The following MYH10 variants were observed in gnomAD, a reference collection of about 807,000 sequenced individuals.
The protein encoded by MYH10 is myosin-10.
MYH10 carries 55 observed loss-of-function variants against 257.8 expected under a neutral mutation model. The observed-to-expected ratio is 0.21, with a 90% CI of 0.17 to 0.27. The LOEUF (loss-of-function observed/expected upper bound fraction) is 0.27, where lower values mean the gene tolerates loss of function less well. MYH10 is among the 10% of genes least tolerant of loss of function. MYH10 has a pLI of 1.00. For missense variants in MYH10, 1,631 were observed against 2,500.6 expected, an observed-to-expected ratio of 0.65 and a Z score of 7.42; for synonymous variants, 854 against 921.7, an observed-to-expected ratio of 0.93 and a Z score of 1.33.
At chr17:8,576,329 A>G (rs1299450180) in intron 6 of MYH10, among the ~76,000 whole-genome samples, 1 of 152,188 alleles carries the variant, frequency 6.6e-6, no homozygotes, top group Non-Finnish European at 1.5e-5. Flanking sequence ...CATGTGTCTG[A>G]TAAGTATTAA....
intron 7 of MYH10, among the ~76,000 whole-genome samples, chr17:8,555,085 A>G (rs1158910211): frequency 1.3e-5 from 2 of 152,156 alleles, no homozygotes; most frequent in Non-Finnish European, 2.9e-5. Flanking sequence ...GCCTGGTGAC[A>G]GAGTGAGACT....
intron 23 of MYH10, 96 bp from the exon 24 acceptor site, chr17:8,512,753 A>T: frequency 1.1e-6 from 1 of 928,460 alleles, no homozygotes; most frequent in East Asian, 2.7e-5. Flanking sequence ...CATCAAAGAA[A>T]CTGGGAGATA....
intron 4 of MYH10, among the ~76,000 whole-genome samples, chr17:8,585,152 T>C (rs559907781): frequency 4.0e-5 from 6 of 151,846 alleles, no homozygotes; most frequent in African/African-American, 1.4e-4. Flanking sequence ...CTGTATTTTC[T>C]TTTGGTCGTA....
chr17:8,563,287 C>T (rs1248982095), intron 7 of MYH10, among the ~76,000 whole-genome samples: 1 of 152,166 alleles, frequency 6.6e-6, no homozygotes, highest in African/African-American at 2.4e-5. Flanking sequence ...TTTTCACATG[C>T]ACTAAGTGGC....
intron 1 of MYH10, among the ~76,000 whole-genome samples, chr17:8,629,964 C>T (rs1372943629): frequency 1.3e-5 from 2 of 151,958 alleles, no homozygotes; most frequent in Non-Finnish European, 2.9e-5. Flanking sequence ...CGCGCTTCCC[C>T]GGCCGCGCAG....
chr17:8,589,608 A>G (rs1406836889), intron 3 of MYH10, among the ~76,000 whole-genome samples: 1 of 152,150 alleles, frequency 6.6e-6, no homozygotes, highest in Non-Finnish European at 1.5e-5. Flanking sequence ...AATCATTGCT[A>G]ATGTCATCTT....
chr17:8,513,672 A>T lies in MYH10; in HGVS notation c.2614-3T>A, dbSNP rs2081369466. The T allele has an allele frequency of 6.2e-7, 1 of 1,601,212 alleles. No homozygotes were observed. The highest frequency in any genetic ancestry group is 8.5e-7 in the Non-Finnish European group (1 of 1,177,248). On this transcript the variant is annotated splice_polypyrimidine_tract_variant and splice_region_variant and intron_variant, in intron 22 of 42. Transcript: ENST00000360416. ...GTCACTTGTAGAAGCGGCTTCACCT[A>T]TGACAAAATTAAGCAGTTTTTTTTT...
rs79917045 is a variant in MYH10 at position 8,605,182 on chromosome 17, C to T, written c.346-200G>A. Among the ~76,000 whole-genome samples, 24 of 152,234 alleles carry T rather than the reference C, an allele frequency of 1.6e-4. No individual in the cohort carries two copies. The East Asian group carries it at 4.0e-3, about 26-fold the overall frequency. On this transcript the variant is annotated intron_variant, in intron 2 of 42. Coordinates refer to ENST00000360416, the MANE Select transcript of MYH10 (RefSeq NM_001256012.3). ...CCACAAGTAGTTCTCCCACAGATAG[C>T]TTATTAAGTGGCACTCTGCTGGACT...
Position 8,506,204 on chromosome 17 carries a change from G to T in MYH10, c.3386+114C>A. The stretch of plus-strand genomic sequence containing the variant: ...TCACTTTCTCAGGTCACACCAAACA[G>T]CAAGCAAACCCCATCTCACTCTCCC... On this transcript the variant is annotated intron_variant, in intron 27 of 42. Coordinates refer to ENST00000360416, the MANE Select transcript of MYH10 (RefSeq NM_001256012.3). The surrounding 1 kb of genome is among the most constrained non-coding windows in gnomAD (Gnocchi z 5.0). 8.9e-7 allele frequency: 1 copy of T among 1,118,534 alleles called. No individual in the cohort carries two copies. Among genetic ancestry groups the T allele is most frequent in the Middle Eastern group, 3.0e-4 (1 of 3,372 alleles). The allele number at this position is 1,118,534 out of a possible 1,614,324, so 69.3% of individuals were successfully genotyped here.
intron 3 of MYH10, among the ~76,000 whole-genome samples, chr17:8,594,643 C>T (rs955529652): frequency 3.9e-5 from 6 of 152,126 alleles, no homozygotes; most frequent in Non-Finnish European, 5.9e-5. Flanking sequence ...TGTTGACCCC[C>T]GTTATCTGTG....
intron 16 of MYH10, among the ~76,000 whole-genome samples, chr17:8,532,227 A>G (rs2082025027): frequency 6.6e-6 from 1 of 152,214 alleles, no homozygotes; most frequent in Non-Finnish European, 1.5e-5. Flanking sequence ...GGTAGATAAG[A>G]TATCCCTTGG....
chr17:8,581,716 A>G (rs1357808912), intron 4 of MYH10, among the ~76,000 whole-genome samples: 1 of 152,232 alleles, frequency 6.6e-6, no homozygotes, highest in African/African-American at 2.4e-5. Context: ...TGAAGAAAAA[A>G]TACAGCTCAA....
rs1284091212 is a variant in MYH10 at position 8,500,806 on chromosome 17, C to G, written c.3744+20G>C. Reference sequence around the variant, plus strand: ...GACAGACTTTCTCCAGGCCACAGCACACGGCAGGGCCTCCCTTACCCGCTT... The same window carrying G: ...GACAGACTTTCTCCAGGCCACAGCAGACGGCAGGGCCTCCCTTACCCGCTT... On this transcript the variant is annotated intron_variant, in intron 29 of 42. Coordinates refer to ENST00000360416, the MANE Select transcript of MYH10 (RefSeq NM_001256012.3). 1 of 1,608,562 alleles carries G rather than the reference C, an allele frequency of 6.2e-7. No homozygotes were observed. Among genetic ancestry groups the G allele is most frequent in the Non-Finnish European group, 8.5e-7 (1 of 1,178,764 alleles).
chr17:8,497,692 T>C (rs1240775033), intron 30 of MYH10, among the ~76,000 whole-genome samples: 1 of 124,546 alleles, frequency 8.0e-6, no homozygotes, highest in Non-Finnish European at 1.5e-5. Context: ...TGAGCCGAGA[T>C]TGCGCCACTG....
chr17:8,561,527 G>A (rs921570445), intron 7 of MYH10: 13 of 1,428,506 alleles, frequency 9.1e-6, no homozygotes, highest in African/African-American at 1.4e-5. Context: ...CCCCCACCCC[G>A]ATTTAGACCT....
In MYH10 at chr17:8,504,863, C is replaced by G; in HGVS notation, c.3430G>C (p.Val1144Leu). 6.2e-7 allele frequency: 1 copy of G among 1,614,228 alleles called. No individual in the cohort carries two copies. Among genetic ancestry groups the G allele is most frequent in the Non-Finnish European group, 8.5e-7 (1 of 1,180,048 alleles). ...GCAATTTGGGCTTGTAGCTCTCGCA[C>G]AACTTTAAGGGCATTGTTCTTATGG... ...TLHKNNALKV[V>L]RELQAQIAEL... The change falls in exon 28 of 43, where the codon GTG (valine) becomes CTG (leucine). Residue 1144 changes from valine (V) to leucine (L), a missense_variant. Around this residue, in one of 11 missense-constraint regions of MYH10, gnomAD observed 169 missense variants for 249.8 expected, o/e 0.68. Coordinates refer to ENST00000360416, the MANE Select transcript of MYH10 (RefSeq NM_001256012.3). The surrounding 1 kb of genome is among the most constrained non-coding windows in gnomAD (Gnocchi z 5.6).
chr17:8,601,231 AG>A (rs753911393), intron 3 of MYH10, among the ~76,000 whole-genome samples: 36 of 152,316 alleles, frequency 2.4e-4, no homozygotes, highest in Non-Finnish European at 1.0e-4. Context: ...GTGAGGCATC[AG>A]GAACAAAGGA....
intron 2 of MYH10, among the ~76,000 whole-genome samples, chr17:8,608,737 T>C (rs367947800): frequency 6.6e-6 from 1 of 152,252 alleles, no homozygotes. Context: ...TATGCTGCTT[T>C]ATGCCTCCAG....
rs1042567 is a variant in MYH10 at position 8,475,375 on chromosome 17, G to T, written c.*429C>A. The T allele has an allele frequency of 0.51, 82,001 of 160,922 alleles. 21,898 individuals carry two copies. The highest frequency in any genetic ancestry group is 0.63 in the Middle Eastern group (194 of 308). 10.0% of individuals were successfully genotyped at this position (160,922 alleles called of 1,614,324 possible). On this transcript the variant is annotated 3_prime_UTR_variant, in exon 43 of 43. Coordinates refer to ENST00000360416, the MANE Select transcript of MYH10 (RefSeq NM_001256012.3). ...GTCTAGGAGACTTGATGTGGCTGAG[G>T]AGTCGGGGGCCACGTGAACACAGAA...
Sources: allele counts gnomAD v4.1 joint callset (sites outside exome capture counted in the v4.1 genomes callset), GRCh38; gene constraint gnomAD v4.1.1; regional missense constraint gnomAD v4.1.1; non-coding constraint Gnocchi (gnomAD v3.1); transcripts MANE v1.5; gene names NCBI Gene and HGNC (gene_info 2026-07-23, HGNC 2026-07-21).